ASAP1: variants seen among roughly 807,000 people sequenced by gnomAD.
The protein encoded by ASAP1 is ArfGAP with SH3 domain, ankyrin repeat and PH domain 1.
Under a neutral mutation model 145.2 loss-of-function variants are expected in ASAP1, and 43 were observed. The observed-to-expected ratio is 0.30, with a 90% CI of 0.23 to 0.38. The LOEUF is 0.38. Among genes scored for constraint, ASAP1 ranks in the 10% least tolerant of loss-of-function variants. ASAP1 has a pLI of 1.00. For missense variants in ASAP1, 1,018 were observed against 1,355.3 expected, an observed-to-expected ratio of 0.75 and a Z score of 3.91; for synonymous variants, 546 against 515.5, an observed-to-expected ratio of 1.06 and a Z score of -0.80.
chr8:130,091,901 G>A, intron 25 of ASAP1, 72 bp downstream of exon 25: 3 of 1,423,902 alleles, frequency 2.1e-6, no homozygotes, highest in Non-Finnish European at 2.8e-6. Context: ...TGTGCTAACA[G>A]GCCACTGCCC....
intron 1 of ASAP1, among the ~76,000 whole-genome samples, chr8:130,405,787 C>T (rs1829001333): frequency 2.6e-5 from 4 of 152,232 alleles, no homozygotes; most frequent in Admixed American, 1.3e-4. Context: ...ACCCACGGCA[C>T]TTGGAGACCC....
At chr8:130,227,716 A>T (rs1011830972) in intron 4 of ASAP1, among the ~76,000 whole-genome samples, 2 of 151,244 alleles carry the variant, frequency 1.3e-5, no homozygotes, top group African/African-American at 4.8e-5. Context: ...TGTTTATATA[A>T]ATCAATGGTT....
chr8:130,227,990 A>G (rs946375031), intron 4 of ASAP1, among the ~76,000 whole-genome samples: 1 of 152,174 alleles, frequency 6.6e-6, no homozygotes, highest in Non-Finnish European at 1.5e-5. Context: ...GTCTCTTTGG[A>G]TCAGTTGCTA....
rs367719682 is a variant in ASAP1 at position 130,373,111 on chromosome 8, TACAC to T, written c.60-14972_60-14969del. ...CCCCCCACACACACAGAAATACATA[TACAC>T]ACACACACACACACACACACACACA... On this transcript the variant is annotated intron_variant, in intron 2 of 29. Coordinates refer to ENST00000518721, the MANE Select transcript of ASAP1 (RefSeq NM_018482.4). Among the ~76,000 whole-genome samples, 436 of 94,044 alleles carry T rather than the reference TACAC, an allele frequency of 4.6e-3. 1 individual carries two copies. The highest frequency in any genetic ancestry group is 7.4e-3 in the Non-Finnish European group (353 of 47,770). 61.7% of individuals were successfully genotyped at this position (94,044 alleles called of 152,430 possible).
intron 5 of ASAP1, among the ~76,000 whole-genome samples, chr8:130,209,591 C>A (rs1157310388): frequency 1.3e-5 from 2 of 151,634 alleles, no homozygotes; most frequent in Non-Finnish European, 2.9e-5. Context: ...TTAAGAATAC[C>A]CATAATGAAA....
chr8:130,256,378 G>T (rs921266817), intron 3 of ASAP1, among the ~76,000 whole-genome samples: 1 of 149,946 alleles, frequency 6.7e-6, no homozygotes, highest in Admixed American at 6.7e-5. Context: ...TTACTTGAAC[G>T]GGGAATACAT....
intron 4 of ASAP1, among the ~76,000 whole-genome samples, chr8:130,233,266 G>A (rs748810879): frequency 6.6e-6 from 1 of 152,280 alleles, no homozygotes; most frequent in Middle Eastern, 3.4e-3. Flanking sequence ...GAATATTCAT[G>A]ATTAGTGAAT....
At chr8:130,160,680 C>A (rs187234577) in intron 11 of ASAP1, 11 of 728,650 alleles carry the variant, frequency 1.5e-5, no homozygotes, top group South Asian at 5.2e-5. Context: ...CATTACATTA[C>A]GAAAATGTAA....
intron 24 of ASAP1, among the ~76,000 whole-genome samples, chr8:130,104,746 G>A (rs2097534261): frequency 6.6e-6 from 1 of 152,200 alleles, no homozygotes; most frequent in Non-Finnish European, 1.5e-5. Context: ...AATTCATGAT[G>A]TAAGTCAGGA....
intron 2 of ASAP1, among the ~76,000 whole-genome samples, chr8:130,394,017 G>GATGTATGTC (rs1828404526): frequency 1.3e-5 from 2 of 152,102 alleles, no homozygotes; most frequent in African/African-American, 4.8e-5. Context: ...AGCTGAGGAG[G>GATGTATGTC]ATGTATGTCA....
chr8:130,079,331 A>T (rs1309430708), intron 26 of ASAP1, among the ~76,000 whole-genome samples: 1 of 152,208 alleles, frequency 6.6e-6, no homozygotes. Flanking sequence ...ACTTTAGGGT[A>T]AGGCTGGATA....
intron 9 of ASAP1, among the ~76,000 whole-genome samples, chr8:130,173,401 TCA>T (rs909164682): frequency 2.6e-5 from 4 of 152,166 alleles, no homozygotes; most frequent in Non-Finnish European, 2.9e-5. Context: ...CCAAAACATT[TCA>T]CAGAGGGCAG....
At chr8:130,442,803 G>C (rs940676655) in intron 1 of ASAP1, among the ~76,000 whole-genome samples, 2 of 152,068 alleles carry the variant, frequency 1.3e-5, no homozygotes, top group African/African-American at 4.8e-5. Flanking sequence ...CCGGACACCG[G>C]CAAGTTTCTT....
chr8:130,285,167 T>C (rs1035077299), intron 3 of ASAP1, among the ~76,000 whole-genome samples: 17 of 152,158 alleles, frequency 1.1e-4, no homozygotes, highest in Non-Finnish European at 1.0e-4. Flanking sequence ...CCACATTCAT[T>C]TTCCTACAGC....
intron 3 of ASAP1, among the ~76,000 whole-genome samples, chr8:130,284,673 G>C (rs1044983259): frequency 1.3e-5 from 2 of 151,956 alleles, no homozygotes; most frequent in African/African-American, 4.8e-5. Flanking sequence ...CAGCCACTGG[G>C]AGGGAGGGGT....
chr8:130,261,919 T>C (rs1404122319), intron 3 of ASAP1, among the ~76,000 whole-genome samples: 1 of 151,944 alleles, frequency 6.6e-6, no homozygotes, highest in Non-Finnish European at 1.5e-5. Context: ...CTACATATCA[T>C]ATATATATAA....
intron 3 of ASAP1, among the ~76,000 whole-genome samples, chr8:130,301,033 G>A (rs142779067): frequency 8.9e-4 from 136 of 152,234 alleles, no homozygotes; most frequent in African/African-American, 3.2e-3. Context: ...GCTTCTTGGT[G>A]GAGAAATTCA....
intron 3 of ASAP1, among the ~76,000 whole-genome samples, chr8:130,305,994 C>A (rs187171139): frequency 6.6e-6 from 1 of 152,202 alleles, no homozygotes; most frequent in Non-Finnish European, 1.5e-5. Flanking sequence ...ACTTACAGTT[C>A]CAACATCATC....
intron 15 of ASAP1, among the ~76,000 whole-genome samples, chr8:130,129,076 G>A (rs2097579458): frequency 6.6e-6 from 1 of 152,138 alleles, no homozygotes; most frequent in Non-Finnish European, 1.5e-5. Flanking sequence ...AGATCTGATG[G>A]TTTTATAAGG....
Sources: gnomAD v4.1 joint callset for allele counts (sites outside exome capture counted in the v4.1 genomes callset) on GRCh38, gnomAD v4.1.1 for gene constraint, MANE v1.5 for transcripts, NCBI Gene and HGNC (gene_info 2026-07-23, HGNC 2026-07-21) for gene names.